NCOR2: variants seen among roughly 807,000 people sequenced by gnomAD.
NCOR2 encodes the protein CTG repeat protein 26.
NCOR2 carries 81 observed loss-of-function variants against 262.9 expected under a neutral mutation model. The observed-to-expected ratio is 0.31, with a 90% CI of 0.26 to 0.37. The LOEUF (loss-of-function observed/expected upper bound fraction) is 0.37. Among genes scored for constraint, NCOR2 ranks in the 10% least tolerant of loss-of-function variants. NCOR2 has a pLI of 1.00. For synonymous variants in NCOR2, 1,659 were observed against 1,559.3 expected (o/e 1.06, Z -1.51); for missense variants, 3,385 against 3,621.4 (o/e 0.93, Z 1.68).
intron 20 of NCOR2, among the ~76,000 whole-genome samples, chr12:124,368,294 G>A (rs544204669): frequency 3.9e-5 from 6 of 152,298 alleles, no homozygotes; most frequent in Admixed American, 3.9e-4. Flanking sequence ...ACGAGAGGGG[G>A]AATAAGGGCC....
chr12:124,403,608 C>G (rs2030223337), intron 13 of NCOR2, among the ~76,000 whole-genome samples: 1 of 152,178 alleles, frequency 6.6e-6, no homozygotes, highest in African/African-American at 2.4e-5. Context: ...AAAATAAACC[C>G]CAAAGCCTTT....
intron 20 of NCOR2, among the ~76,000 whole-genome samples, chr12:124,365,199 G>A (rs1465191436): frequency 6.6e-6 from 1 of 152,186 alleles, no homozygotes; most frequent in African/African-American, 2.4e-5. Context: ...CAGCAGCCAC[G>A]GGCCTGGAAT....
chr12:124,358,856 A>G (rs745704976), intron 22 of NCOR2, among the ~76,000 whole-genome samples: 16 of 152,226 alleles, frequency 1.1e-4, no homozygotes, highest in African/African-American at 7.2e-5. Context: ...TTATTCTCAC[A>G]GCACCCTACA....
chr12:124,437,120 G>A (rs923280054), intron 8 of NCOR2, among the ~76,000 whole-genome samples: 9 of 143,882 alleles, frequency 6.3e-5, no homozygotes, highest in African/African-American at 8.4e-5. Context: ...CAAATAAAAT[G>A]AAATGAAATG....
intron 7 of NCOR2, among the ~76,000 whole-genome samples, chr12:124,447,807 C>T (rs2045278246): frequency 6.6e-6 from 1 of 151,858 alleles, no homozygotes; most frequent in South Asian, 2.1e-4. Context: ...AGCGATTCTC[C>T]CTCCTTCGCC....
At chr12:124,434,318 C>T (rs1193213583) in intron 8 of NCOR2, among the ~76,000 whole-genome samples, 2 of 152,134 alleles carry the variant, frequency 1.3e-5, no homozygotes, top group Non-Finnish European at 2.9e-5. Context: ...TCAGGGACTT[C>T]GGCTTCTTAT....
At chr12:124,500,935 C>T (rs925054613) in intron 1 of NCOR2, among the ~76,000 whole-genome samples, 2 of 152,054 alleles carry the variant, frequency 1.3e-5, no homozygotes, top group Admixed American at 1.3e-4. Context: ...GCCGCACGTG[C>T]CTGAAATGTT....
At chr12:124,528,579 T>G (rs145171177) in intron 1 of NCOR2, among the ~76,000 whole-genome samples, 20 of 152,294 alleles carry the variant, frequency 1.3e-4, no homozygotes, top group African/African-American at 4.8e-4. Context: ...ACGCCTGACA[T>G]TCACTCAACA....
intron 17 of NCOR2, among the ~76,000 whole-genome samples, chr12:124,384,826 A>C (rs940916272): frequency 5.9e-5 from 9 of 151,892 alleles, no homozygotes; most frequent in Admixed American, 6.6e-5. Context: ...GGGGAGGAGT[A>C]GTCCTGGGGG....
At chr12:124,436,235 C>T (rs545398930) in intron 8 of NCOR2, among the ~76,000 whole-genome samples, 14 of 152,228 alleles carry the variant, frequency 9.2e-5, no homozygotes, top group South Asian at 2.1e-4. Context: ...GTACCACAGA[C>T]CTACAGGCGC....
At position 124,390,945 on chromosome 12, in the gene NCOR2, C is replaced by T. The variant is rs181343411; in HGVS notation, c.1877-5058G>A. On this transcript the variant is annotated intron_variant, in intron 16 of 46. Coordinates refer to ENST00000405201, the Ensembl canonical transcript of NCOR2. ...GAGTGGAGAGCCAGGCGCAGGGGCCCGGCGGCCACGGGAGTGGGTGCTTGG... is the reference window on the plus strand; with the variant it reads ...GAGTGGAGAGCCAGGCGCAGGGGCCTGGCGGCCACGGGAGTGGGTGCTTGG... 1.1e-4 allele frequency among the ~76,000 whole-genome samples: 17 copies of T among 152,366 alleles called. No homozygotes were observed. The East Asian group carries it at 2.3e-3, about 21-fold the overall frequency.
intron 1 of NCOR2, among the ~76,000 whole-genome samples, chr12:124,511,968 G>C (rs837950): frequency 0.71 from 107,879 of 152,110 alleles, 39,584 homozygotes; most frequent in East Asian, 0.88. Flanking sequence ...GTGGTCCAGG[G>C]TGGAGTGCAG....
intron 30 of NCOR2, among the ~76,000 whole-genome samples, chr12:124,347,125 C>T (rs1331382549): frequency 6.6e-6 from 1 of 152,238 alleles, no homozygotes; most frequent in African/African-American, 2.4e-5. Flanking sequence ...TCCCAACACT[C>T]TGGGGGGCTG....
chr12:124,384,454 TGGGGAG>T (rs2040642188), intron 17 of NCOR2, among the ~76,000 whole-genome samples: 4 of 152,258 alleles, frequency 2.6e-5, no homozygotes, highest in Non-Finnish European at 5.9e-5. Context: ...CTGGAAGTGA[TGGGGAG>T]GGGCCTCCCT....
intron 1 of NCOR2, among the ~76,000 whole-genome samples, chr12:124,502,371 G>T (rs375143813): frequency 6.6e-6 from 1 of 152,348 alleles, no homozygotes; most frequent in African/African-American, 2.4e-5. Context: ...TCCAGCAGGT[G>T]AGACGGGAGT....
intron 13 of NCOR2, among the ~76,000 whole-genome samples, chr12:124,416,602 T>C (rs188421054): frequency 0.015 from 1,748 of 117,610 alleles, 41 homozygotes; most frequent in African/African-American, 0.054. Context: ...GCGGCACAGA[T>C]AGACCCCGCG....
chr12:124,368,052 C>T (rs2039181153), intron 20 of NCOR2, among the ~76,000 whole-genome samples: 2 of 152,236 alleles, frequency 1.3e-5, no homozygotes. Flanking sequence ...CCCACCCTGC[C>T]TACCCAGCCC....
Position 124,486,555 on chromosome 12 carries a change from A to G in NCOR2, c.119T>C (p.Leu40Pro), listed in dbSNP as rs1246473977. The change falls in exon 2 of 47, where the codon CTG becomes CCG. Residue 40 changes from leucine to proline, a missense_variant. Coordinates refer to ENST00000405201, the Ensembl canonical transcript of NCOR2. ...GTCGCGGGAGTGGTGCTGGTACTCC[A>G]GGAGCCCGACGTCCTGCAGGAGGGG... 3.8e-6 allele frequency: 6 copies of G among 1,579,902 alleles called. No individual in the cohort carries two copies. In the East Asian group the frequency reaches 9.3e-5, roughly 25 times the overall value.
chr12:124,425,247 G>A (rs916774862), intron 11 of NCOR2, among the ~76,000 whole-genome samples: 8 of 152,062 alleles, frequency 5.3e-5, no homozygotes, highest in Non-Finnish European at 8.8e-5. Context: ...GGTGGTGGCC[G>A]CCTGTAGTCC....
Sources: gnomAD v4.1 joint callset for allele counts (sites outside exome capture counted in the v4.1 genomes callset) on GRCh38, gnomAD v4.1.1 for gene constraint, MANE v1.5 for transcripts, NCBI Gene and HGNC (gene_info 2026-07-23, HGNC 2026-07-21) for gene names.